Variants in ABCB11 observed in about 807,000 individuals in gnomAD.
ABCB11 encodes ATP binding cassette subfamily B member 11.
A neutral mutation model predicts 148.0 loss-of-function variants in ABCB11; 95 were observed. The ratio of observed to expected loss-of-function variants is 0.64; its 90% CI spans 0.54 to 0.76. The LOEUF (loss-of-function observed/expected upper bound fraction) is 0.76. Among genes scored for constraint, ABCB11 ranks in the 30% least tolerant of loss-of-function variants. ABCB11 has a pLI of 0.00. For synonymous variants in ABCB11, 591 were observed against 555.4 expected (o/e 1.06, Z -0.90); for missense variants, 1,523 against 1,617.8 (o/e 0.94, Z 1.01).
chr2:168,979,767 T>C, intron 11 of ABCB11, 99 bp downstream of exon 11: 2 of 598,780 alleles, frequency 3.3e-6, no homozygotes, highest in Admixed American at 3.2e-5. Flanking sequence ...GATAGCTTCT[T>C]ATATTTTTAA....
chr2:169,016,802 G>C lies in ABCB11; in HGVS notation c.77-3C>G. ...CCTTGATTTCTTATCATTATTATCT[G>C]TCAGAAAAAAAAATCAACGCAAAAA... On this transcript the variant is annotated splice_region_variant and splice_polypyrimidine_tract_variant and intron_variant, in intron 2 of 27. Coordinates refer to ENST00000650372, the MANE Select transcript of ABCB11 (RefSeq NM_003742.4). 1 of 1,586,884 alleles carries C rather than the reference G, an allele frequency of 6.3e-7. No individual in the cohort carries two copies. The highest frequency in any genetic ancestry group is 8.6e-7 in the Non-Finnish European group (1 of 1,166,140).
intron 1 of ABCB11, among the ~76,000 whole-genome samples, chr2:169,022,598 A>G (rs980476360): frequency 6.6e-6 from 1 of 152,064 alleles, no homozygotes; most frequent in African/African-American, 2.4e-5. Context: ...AGATAATGTT[A>G]CAGGCAAATT....
chr2:169,019,176 C>T (rs563422252), intron 1 of ABCB11, among the ~76,000 whole-genome samples: 2 of 151,774 alleles, frequency 1.3e-5, no homozygotes, highest in African/African-American at 4.8e-5. Flanking sequence ...AGGAGGAGAC[C>T]GTGATATGTA....
chr2:169,015,312 G>T (rs1199923108), intron 3 of ABCB11, among the ~76,000 whole-genome samples: 2 of 152,074 alleles, frequency 1.3e-5, no homozygotes, highest in Admixed American at 6.6e-5. Context: ...TCACCACCTT[G>T]TGAATGGATA....
chr2:168,980,773 A>G (rs992882860), intron 10 of ABCB11, among the ~76,000 whole-genome samples: 1 of 152,078 alleles, frequency 6.6e-6, no homozygotes, highest in Admixed American at 6.6e-5. Flanking sequence ...TGACTTACCA[A>G]TGCAGTCATC....
At chr2:168,934,947 C>T (rs1691746762) in intron 23 of ABCB11, among the ~76,000 whole-genome samples, 1 of 152,202 alleles carries the variant, frequency 6.6e-6, no homozygotes, top group Non-Finnish European at 1.5e-5. Context: ...AGAAAAGAAG[C>T]TCATCTGCTA....
At chr2:168,963,969 C>G (rs34307604) in intron 18 of ABCB11, among the ~76,000 whole-genome samples, 8 of 151,794 alleles carry the variant, frequency 5.3e-5, no homozygotes, top group Non-Finnish European at 1.2e-4. Context: ...AATTAACCCT[C>G]CGAAGTCCAG....
chr2:168,932,990 T>C (rs940894548), intron 23 of ABCB11, among the ~76,000 whole-genome samples: 3 of 151,272 alleles, frequency 2.0e-5, no homozygotes, highest in African/African-American at 7.3e-5. Flanking sequence ...TCGCCTGTGG[T>C]CCCAGCTACT....
At chr2:169,008,010 C>A (rs1293181880) in intron 5 of ABCB11, among the ~76,000 whole-genome samples, 1 of 152,048 alleles carries the variant, frequency 6.6e-6, no homozygotes, top group Admixed American at 6.6e-5. Flanking sequence ...AATGAAAGAT[C>A]TGAATAGATA....
intron 16 of ABCB11, among the ~76,000 whole-genome samples, 170 bp downstream of exon 16, chr2:168,969,180 T>G (rs113166579): frequency 4.6e-5 from 7 of 151,646 alleles, no homozygotes; most frequent in African/African-American, 1.7e-4. Context: ...GTGCTGTAAC[T>G]TGATCAGATA....
At chr2:168,948,302 A>G (rs1692418207) in intron 19 of ABCB11, among the ~76,000 whole-genome samples, 1 of 151,580 alleles carries the variant, frequency 6.6e-6, no homozygotes, top group African/African-American at 2.4e-5. Flanking sequence ...TTCTGATCCA[A>G]CCCTATTCCC....
At chr2:168,990,660 C>T (rs1456739975) in intron 9 of ABCB11, 141 bp downstream of exon 9, 10 of 1,003,902 alleles carry the variant, frequency 1.0e-5, no homozygotes, top group Non-Finnish European at 1.2e-5. Flanking sequence ...CTAAATTACT[C>T]TGCTTAGCTC....
At chr2:168,926,366 TTTCA>T (rs1471173876) in intron 26 of ABCB11, among the ~76,000 whole-genome samples, 1 of 152,190 alleles carries the variant, frequency 6.6e-6, no homozygotes. Context: ...CAGTGGCCGC[TTTCA>T]TTGTGTGGCT....
chr2:168,924,820 T>C lies in ABCB11; in HGVS notation c.3619-17A>G, dbSNP rs1471121230. On this transcript the variant is annotated splice_polypyrimidine_tract_variant and intron_variant, in intron 26 of 27. Transcript: ENST00000650372. Reference sequence around the variant, plus strand: ...TTCATATTTCTGAAAAAAAGTATGATAAGTTTGAGAAATAGAAACAGTTAT... The same window carrying C: ...TTCATATTTCTGAAAAAAAGTATGACAAGTTTGAGAAATAGAAACAGTTAT... The C allele has an allele frequency of 1.2e-6, 2 of 1,609,058 alleles. No homozygotes were observed. Among genetic ancestry groups the C allele is most frequent in the African/African-American group, 1.3e-5 (1 of 74,772 alleles).
intron 9 of ABCB11, 88 bp downstream of exon 9, chr2:168,990,713 G>A: frequency 6.6e-7 from 1 of 1,525,336 alleles, no homozygotes; most frequent in East Asian, 2.3e-5. Context: ...AGACCAAGGT[G>A]GGTCTGCCGC....
intron 10 of ABCB11, 120 bp downstream of exon 10, chr2:168,985,990 A>T (rs565039435): frequency 1.1e-6 from 1 of 872,022 alleles, no homozygotes; most frequent in Non-Finnish European, 1.6e-6. Context: ...GACAGACTCC[A>T]TAAAATCATT....
intron 12 of ABCB11, among the ~76,000 whole-genome samples, chr2:168,974,456 G>T (rs1043174889): frequency 6.6e-6 from 1 of 152,014 alleles, no homozygotes; most frequent in Non-Finnish European, 1.5e-5. Flanking sequence ...ATTAAGAGGT[G>T]ATTTTTGTAC....
At chr2:168,982,990 G>A (rs1694186566) in intron 10 of ABCB11, among the ~76,000 whole-genome samples, 1 of 152,118 alleles carries the variant, frequency 6.6e-6, no homozygotes, top group South Asian at 2.1e-4. Context: ...AGAAATATTG[G>A]TTGAAAGAAT....
intron 19 of ABCB11, among the ~76,000 whole-genome samples, chr2:168,946,494 G>T (rs1252932377): frequency 6.6e-6 from 1 of 151,666 alleles, no homozygotes; most frequent in Admixed American, 6.6e-5. Context: ...GCTCAATACT[G>T]GTAAAAGTGG....
Sources: gnomAD v4.1 joint callset for allele counts (sites outside exome capture counted in the v4.1 genomes callset) on GRCh38, gnomAD v4.1.1 for gene constraint, MANE v1.5 for transcripts, NCBI Gene and HGNC (gene_info 2026-07-23, HGNC 2026-07-21) for gene names.